The following PRKN variants were observed in gnomAD, a reference collection of about 807,000 sequenced individuals.
The protein encoded by PRKN is E3 ubiquitin-protein ligase parkin.
A neutral mutation model predicts 59.5 loss-of-function variants in PRKN; 56 were observed. The observed-to-expected ratio is 0.94, with a 90% CI of 0.76 to 1.18. The LOEUF is 1.18. Among genes scored for constraint, PRKN ranks in the 50% most tolerant of loss-of-function variants. PRKN has a pLI of 0.00. For missense variants in PRKN, 657 were observed against 596.4 expected (o/e 1.10, Z -1.06); for synonymous variants, 250 against 222.1 (o/e 1.13, Z -1.12).
At chr6:162,276,923 G>C (rs1207339121) in intron 2 of PRKN, among the ~76,000 whole-genome samples, 1 of 151,922 alleles carries the variant, frequency 6.6e-6, no homozygotes, top group Non-Finnish European at 1.5e-5. Context: ...GGTCCCACTG[G>C]CCAAGTTTGG....
intron 2 of PRKN, among the ~76,000 whole-genome samples, chr6:162,341,637 C>T (rs921113588): frequency 6.6e-6 from 1 of 152,074 alleles, no homozygotes; most frequent in African/African-American, 2.4e-5. Context: ...AACCATCATT[C>T]TCAGCAAACT....
intron 7 of PRKN, among the ~76,000 whole-genome samples, chr6:161,782,872 CG>C (rs1761807388): frequency 6.6e-6 from 1 of 151,146 alleles, no homozygotes; most frequent in Non-Finnish European, 1.5e-5. Flanking sequence ...CCAGCCTCGG[CG>C]ACAGAGCAAG....
At chr6:162,339,928 G>T (rs1784088834) in intron 2 of PRKN, among the ~76,000 whole-genome samples, 3 of 148,908 alleles carry the variant, frequency 2.0e-5, no homozygotes, top group Admixed American at 6.7e-5. Context: ...TTAAACAGAT[G>T]CTTGAAGGCA....
At chr6:161,849,646 G>A (rs943374376) in intron 6 of PRKN, among the ~76,000 whole-genome samples, 5 of 151,940 alleles carry the variant, frequency 3.3e-5, no homozygotes, top group South Asian at 2.1e-4. Context: ...GAATGTCCTC[G>A]CCATGATCAC....
Position 162,118,554 on chromosome 6 carries a change from A to G in PRKN, c.535-64380T>C, listed in dbSNP as rs547566081. Among the ~76,000 whole-genome samples, 9 of 152,326 alleles carry G rather than the reference A, an allele frequency of 5.9e-5. 1 individual carries two copies. The South Asian group carries it at 1.7e-3, about 28-fold the overall frequency. On this transcript the variant is annotated intron_variant, in intron 4 of 11. Transcript: ENST00000366898. The stretch of plus-strand genomic sequence containing the variant: ...TTTTACAAACACATGGCAGGTATAC[A>G]TGAAGCTGTGGCTGCTCAGTCAATG...
intron 9 of PRKN, among the ~76,000 whole-genome samples, chr6:161,495,273 C>T (rs78888843): frequency 0.012 from 1,850 of 152,228 alleles, 36 homozygotes; most frequent in African/African-American, 0.042. Context: ...CTGCATTGCC[C>T]GGCATATCCT....
chr6:162,341,983 C>G (rs1784198595), intron 2 of PRKN, among the ~76,000 whole-genome samples: 1 of 151,510 alleles, frequency 6.6e-6, no homozygotes. Context: ...ATTAAATTAA[C>G]ATTGTAGAGG....
chr6:161,985,303 C>T (rs1623209), intron 5 of PRKN, among the ~76,000 whole-genome samples: 19,990 of 152,182 alleles, frequency 0.13, 1,698 homozygotes, highest in East Asian at 0.25. Flanking sequence ...GCACCCAAAA[C>T]ATTTGCTAGT....
intron 6 of PRKN, among the ~76,000 whole-genome samples, chr6:161,935,059 C>T (rs1162194454): frequency 6.6e-6 from 1 of 152,096 alleles, no homozygotes; most frequent in Non-Finnish European, 1.5e-5. Context: ...AATCTTATTA[C>T]TATAAACATT....
chr6:161,671,195 A>C (rs1328968942), intron 7 of PRKN, among the ~76,000 whole-genome samples: 1 of 152,026 alleles, frequency 6.6e-6, no homozygotes, highest in African/African-American at 2.4e-5. Context: ...AAACATAATA[A>C]ACCAAGAGAT....
chr6:161,805,602 G>T (rs1231468307), intron 6 of PRKN, among the ~76,000 whole-genome samples: 2 of 152,070 alleles, frequency 1.3e-5, no homozygotes, highest in Admixed American at 1.3e-4. Context: ...TCCAGCGCAG[G>T]CCCTCCGATG....
At chr6:161,679,257 G>C (rs1010515113) in intron 7 of PRKN, among the ~76,000 whole-genome samples, 1 of 152,224 alleles carries the variant, frequency 6.6e-6, no homozygotes, top group Admixed American at 6.5e-5. Flanking sequence ...TAATACTGCA[G>C]AGATACAGTG....
At chr6:162,167,679 A>C (rs1783054568) in intron 4 of PRKN, among the ~76,000 whole-genome samples, 1 of 152,098 alleles carries the variant, frequency 6.6e-6, no homozygotes, top group African/African-American at 2.4e-5. Context: ...AAAGTAATGA[A>C]AAATGTATGG....
At chr6:161,733,608 G>A (rs935716869) in intron 7 of PRKN, among the ~76,000 whole-genome samples, 8 of 151,380 alleles carry the variant, frequency 5.3e-5, no homozygotes, top group Non-Finnish European at 7.4e-5. Flanking sequence ...TATAAGACTC[G>A]AGGTAATTCA....
intron 7 of PRKN, among the ~76,000 whole-genome samples, chr6:161,621,371 A>G (rs1782891083): frequency 6.6e-6 from 1 of 152,072 alleles, no homozygotes; most frequent in South Asian, 2.1e-4. Context: ...CTGATAGTGT[A>G]ATTCTCAGTC....
At chr6:162,388,363 A>G (rs894507476) in intron 2 of PRKN, among the ~76,000 whole-genome samples, 6 of 152,090 alleles carry the variant, frequency 3.9e-5, no homozygotes, top group Admixed American at 1.3e-4. Flanking sequence ...ACACTTACGG[A>G]TCTCTAACAA....
chr6:162,545,149 G>T (rs920555593), intron 1 of PRKN, among the ~76,000 whole-genome samples: 6 of 151,766 alleles, frequency 4.0e-5, no homozygotes, highest in African/African-American at 1.5e-4. Flanking sequence ...TGAGCTGGGT[G>T]TAGAGGCAGG....
chr6:161,793,645 T>G (rs1474977186), intron 6 of PRKN, among the ~76,000 whole-genome samples: 1 of 151,894 alleles, frequency 6.6e-6, no homozygotes, highest in South Asian at 2.1e-4. Flanking sequence ...CATAGTGTGG[T>G]AAGCACTACC....
rs71670667 is a variant in PRKN at position 162,458,644 on chromosome 6, CTTTT to C, written c.8-15175_8-15172del. 3.5e-3 allele frequency among the ~76,000 whole-genome samples: 476 copies of C among 137,486 alleles called. 1 individual carries two copies. The highest frequency in any genetic ancestry group is 7.6e-3 in the Middle Eastern group (2 of 264). 90.2% of individuals were successfully genotyped at this position (137,486 alleles called of 152,430 possible). Reference sequence around the variant, plus strand: ...TTAATTAGTCCTAGCTTTTTGTTGCCTTTTTTTTTTTTTTTCCCAGTGGCAGCTT... The same window carrying C: ...TTAATTAGTCCTAGCTTTTTGTTGCCTTTTTTTTTTTCCCAGTGGCAGCTT... On this transcript the variant is annotated intron_variant, in intron 1 of 11. Coordinates refer to ENST00000366898, the MANE Select transcript of PRKN (RefSeq NM_004562.3).
Sources: allele counts gnomAD v4.1 joint callset (sites outside exome capture counted in the v4.1 genomes callset), GRCh38; gene constraint gnomAD v4.1.1; transcripts MANE v1.5; gene names NCBI Gene and HGNC (gene_info 2026-07-23, HGNC 2026-07-21).